COL6A1: variants seen among roughly 807,000 people sequenced by gnomAD.
The protein encoded by COL6A1 is collagen type VI alpha 1 chain, also known as collagen alpha-1(VI) chain.
In COL6A1, 80 loss-of-function variants were observed where a neutral mutation model predicts 145.6. The ratio of observed to expected loss-of-function variants is 0.55; its 90% CI spans 0.46 to 0.66. COL6A1 has a LOEUF of 0.66. COL6A1 is among the 30% of genes least tolerant of loss of function. COL6A1 has a pLI of 0.00. For missense variants in COL6A1, 1,364 were observed against 1,473.8 expected (o/e 0.93, Z 1.22); for synonymous variants, 638 against 622.8 (o/e 1.02, Z -0.36).
At chr21:45,999,936 G>GGGAAGACCCGTGAGGGTCAT (rs1603593635) in intron 27 of COL6A1, among the ~76,000 whole-genome samples, 1 of 4,010 alleles carries the variant, frequency 2.5e-4, no homozygotes, top group African/African-American at 8.4e-4. Context: ...TGAGGATCAT[G>GGGAAGACCCGTGAGGGTCAT]GGGGGGACGT....
chr21:46,000,276 T>A lies in COL6A1; in HGVS notation c.1777-55T>A. 4 of 1,605,122 alleles carry A rather than the reference T, an allele frequency of 2.5e-6. No individual in the cohort carries two copies. In the South Asian group the frequency reaches 3.3e-5, roughly 13 times the overall value. ...GACCTGGAGATCCAGCAGCCCACAGTCCCCGCTGGGAGGGGCTGTCTATGG... is the reference window on the plus strand; with the variant it reads ...GACCTGGAGATCCAGCAGCCCACAGACCCCGCTGGGAGGGGCTGTCTATGG... On this transcript the variant is annotated intron_variant, in intron 27 of 34. Transcript: ENST00000361866.
chr21:45,984,407 C>G lies in COL6A1; in HGVS notation c.366C>G (p.Tyr122Ter). ...ALKSSVDAVK[Y>*]FGKGTYTDCA... ...AAAGCAGCGTGGACGCGGTCAAGTACTTTGGGAAGGGCACCTACACCGACT... is the reference window on the plus strand; with the variant it reads ...AAAGCAGCGTGGACGCGGTCAAGTAGTTTGGGAAGGGCACCTACACCGACT... The change falls in exon 3 of 35, where the codon TAC (tyrosine) becomes TAG (stop). Residue 122 changes from tyrosine (Y) to a stop codon, truncating the protein, a stop_gained. Transcript: ENST00000361866. LOFTEE classifies it high-confidence loss of function. 1.9e-6 allele frequency: 3 copies of G among 1,612,646 alleles called. No individual in the cohort carries two copies.
chr21:45,983,658 T>G (rs1281849139), intron 2 of COL6A1, among the ~76,000 whole-genome samples: 4 of 142,186 alleles, frequency 2.8e-5, no homozygotes, highest in South Asian at 4.7e-4. Flanking sequence ...CGGCAGTGTT[T>G]GGGGGGGGGT....
intron 23 of COL6A1, 110 bp from the exon 24 acceptor site, chr21:45,998,288 G>C: frequency 6.3e-7 from 1 of 1,585,618 alleles, no homozygotes; most frequent in South Asian, 1.1e-5. Context: ...GGCTGGCCCA[G>C]GAATTCCATG....
chr21:46,001,794 G>T (rs1380717534), intron 30 of COL6A1, among the ~76,000 whole-genome samples, 167 bp from the exon 31 acceptor site: 1 of 151,726 alleles, frequency 6.6e-6, no homozygotes, highest in East Asian at 1.9e-4. Context: ...GGTCCCGGGG[G>T]CTGTGCCACC....
In COL6A1 at chr21:46,000,629, G is replaced by A. The variant is rs544194259; in HGVS notation, c.1814-130G>A. On this transcript the variant is annotated intron_variant, in intron 28 of 34. Transcript: ENST00000361866. Reference sequence around the variant, plus strand: ...AGGCGGGGAGGCGGGGCAGGAGGCCGGGGAAGGGGGGAGGCCGGGGAAGGA... The same window carrying A: ...AGGCGGGGAGGCGGGGCAGGAGGCCAGGGAAGGGGGGAGGCCGGGGAAGGA... 2,985 of 1,384,600 alleles carry A rather than the reference G, an allele frequency of 2.2e-3. 10 individuals carry two copies. The highest frequency in any genetic ancestry group is 7.3e-3 in the Middle Eastern group (30 of 4,092). The allele number at this position is 1,384,600 out of a possible 1,614,324, so 85.8% of individuals were successfully genotyped here.
At chr21:45,990,042 C>T (rs1049761061) in intron 11 of COL6A1, among the ~76,000 whole-genome samples, 2 of 140,938 alleles carry the variant, frequency 1.4e-5, no homozygotes. Context: ...GGGGGTCCCC[C>T]GGGCGGTTAC....
chr21:45,997,757 G>A lies in COL6A1; in HGVS notation c.1519G>A (p.Glu507Lys), dbSNP rs2077814332. The A allele has an allele frequency of 1.3e-6, 2 of 1,590,482 alleles. No individual in the cohort carries two copies. ...CCCTGGAGACCCGGGGCTGATGGGT[G>A]AAAGGGTGAGTGTCCAACAGCTCGG... ...GPPGDPGLMG[E>K]RGEDGPAGNG... Residue 507 changes from glutamate to lysine, a missense_variant, in exon 22 of 35, where the codon GAA (glutamate) becomes AAA (lysine). Transcript: ENST00000361866.
chr21:45,992,452 G>A (rs962297990), intron 18 of COL6A1, 54 bp downstream of exon 18: 17 of 1,594,166 alleles, frequency 1.1e-5, no homozygotes, highest in African/African-American at 1.3e-5. Context: ...AGCTGTGGAC[G>A]TGGCCTCTGC....
chr21:45,986,743 G>GCCC lies in COL6A1; in HGVS notation c.588+61_588+63dup, dbSNP rs987297259. On this transcript the variant is annotated intron_variant, in intron 4 of 34. Transcript: ENST00000361866. ...AACCACAGGGAGTGGCGGCTGCAAGGCCCCCGGCAGCTGGGACCGTCTTTT... is the reference window on the plus strand; with the variant it reads ...AACCACAGGGAGTGGCGGCTGCAAGGCCCCCCCCGGCAGCTGGGACCGTCTTTT... 75 of 1,531,518 alleles carry GCCC rather than the reference G, an allele frequency of 4.9e-5. No homozygotes were observed. The African/African-American group carries it at 9.2e-4, about 19-fold the overall frequency. The allele number at this position is 1,531,518 out of a possible 1,614,324, so 94.9% of individuals were successfully genotyped here.
rs186711734 is a variant in COL6A1, at chr21:45,993,587, G to C, written c.1336-580G>C. 1.3e-3 allele frequency among the ~76,000 whole-genome samples: 191 copies of C among 152,358 alleles called. 2 individuals are homozygous for C. The highest frequency in any genetic ancestry group is 4.1e-3 in the African/African-American group (169 of 41,588). ...CAGGCGGGGCTCCAGCAGGGCCAGAGAGCTGAGCCGGGGCCAGAGTCGCCG... is the reference window on the plus strand; with the variant it reads ...CAGGCGGGGCTCCAGCAGGGCCAGACAGCTGAGCCGGGGCCAGAGTCGCCG... On this transcript the variant is annotated intron_variant, in intron 19 of 34. Coordinates refer to ENST00000361866, the MANE Select transcript of COL6A1 (RefSeq NM_001848.3).
At position 45,997,727 on chromosome 21, in the gene COL6A1, G is replaced by T; in HGVS notation, c.1489G>T (p.Gly497Ter). The change falls in exon 22 of 35, where the codon GGA becomes TGA. Residue 497 changes from glycine (G) to a stop codon, truncating the protein, a stop_gained. Transcript: ENST00000361866. LOFTEE classifies it high-confidence loss of function. ...EGARGAPGPA[G>*]PPGDPGLMGE... is the part of the protein sequence containing the mutation. ...TGCCAGAGGAGCCCCAGGACCTGCC[G>T]GACCCCCTGGAGACCCGGGGCTGAT... is the stretch of plus-strand genomic sequence containing the variant. 6.3e-7 allele frequency: 1 copy of T among 1,595,878 alleles called. No individual in the cohort carries two copies. The highest frequency in any genetic ancestry group is 2.3e-5 in the East Asian group (1 of 44,056).
chr21:46,004,070 A>C lies in COL6A1; in HGVS notation c.*57A>C. 10 of 1,593,540 alleles carry C rather than the reference A, an allele frequency of 6.3e-6. No homozygotes were observed. The highest frequency in any genetic ancestry group is 8.6e-6 in the Non-Finnish European group (10 of 1,168,724). ...CTCCCACCCCTCCCCACTCATCACTAAACAGAGTAAAATGTGATGCGAATT... is the reference window on the plus strand; with the variant it reads ...CTCCCACCCCTCCCCACTCATCACTCAACAGAGTAAAATGTGATGCGAATT... On this transcript the variant is annotated 3_prime_UTR_variant, in exon 35 of 35. Transcript: ENST00000361866.
At chr21:45,984,070 C>G (rs925563708) in intron 2 of COL6A1, among the ~76,000 whole-genome samples, 199 bp from the exon 3 acceptor site, 36 of 152,196 alleles carry the variant, frequency 2.4e-4, no homozygotes, top group African/African-American at 8.4e-4. Context: ...GGGATCGGGG[C>G]GCAGGTCGCT....
In COL6A1 at chr21:46,002,377, C is replaced by G; in HGVS notation, c.2226C>G (p.Asn742Lys). The G allele has an allele frequency of 6.3e-7, 1 of 1,596,940 alleles. No individual in the cohort carries two copies. The highest frequency in any genetic ancestry group is 1.1e-5 in the South Asian group (1 of 89,354). ...CTCAGAGGGACACCACACCGCTCAA[C>G]GTGCTCTGCAGCCCCGGCATCCAGG... is the stretch of plus-strand genomic sequence containing the variant. ...SDTQRDTTPL[N>K]VLCSPGIQVV... is the part of the protein sequence containing the mutation. Residue 742 changes from asparagine to lysine, a missense_variant, in exon 32 of 35, where the codon AAC becomes AAG. Transcript: ENST00000361866.
At chr21:45,998,253 T>C in intron 23 of COL6A1, 82 bp downstream of exon 23, 1 of 1,581,160 alleles carries the variant, frequency 6.3e-7, no homozygotes, top group South Asian at 1.1e-5. Flanking sequence ...CACTCTTGGG[T>C]GGGCGGGCTG....
At chr21:45,987,766 G>GGGGTCCAGATGGAGGGGACGGC in intron 8 of COL6A1, 112 bp downstream of exon 8, 5 of 1,059,870 alleles carry the variant, frequency 4.7e-6, no homozygotes, top group African/African-American at 1.7e-5. Flanking sequence ...AGGGGACGGC[G>GGGGTCCAGATGGAGGGGACGGC]GGGGTCCAGA....
chr21:45,996,579 T>C (rs11701952), intron 20 of COL6A1, among the ~76,000 whole-genome samples: 150,506 of 152,304 alleles, frequency 0.99, 74,371 homozygotes, highest in Middle Eastern at 1. Flanking sequence ...GACAGGCGTC[T>C]GAGCAGGCAC....
intron 27 of COL6A1, among the ~76,000 whole-genome samples, chr21:46,000,008 CGTGAGGATCATGGGGGACCCGT>C (rs1479088445): frequency 5.0e-4 from 4 of 7,942 alleles, no homozygotes; most frequent in Non-Finnish European, 6.7e-4. Context: ...ATGGGGGACC[CGTGAGGATCATGGGGGACCCGT>C]GTGAGGATCA....
Sources: gnomAD v4.1 joint callset for allele counts (sites outside exome capture counted in the v4.1 genomes callset) on GRCh38, gnomAD v4.1.1 for gene constraint, MANE v1.5 for transcripts, NCBI Gene and HGNC (gene_info 2026-07-23, HGNC 2026-07-21) for gene names.